The following DLG2 variants were observed in gnomAD, a reference collection of about 807,000 sequenced individuals.
DLG2 encodes the protein disks large homolog 2.
DLG2 carries 45 observed loss-of-function variants against 132.5 expected under a neutral mutation model. The ratio of observed to expected loss-of-function variants is 0.34; its 90% CI spans 0.27 to 0.44. The LOEUF (loss-of-function observed/expected upper bound fraction) is 0.44. Ranked by LOEUF, DLG2 falls within the 20% of genes least tolerant of loss-of-function variation. The probability of loss-of-function intolerance (pLI) is 1.00; values close to 1 mark genes in which losing one functional copy is unlikely to be tolerated. For synonymous variants in DLG2, 424 were observed against 419.6 expected, an observed-to-expected ratio of 1.01 and a Z score of -0.13; for missense variants, 1,045 against 1,196.9, an observed-to-expected ratio of 0.87 and a Z score of 1.87.
At chr11:84,632,387 C>G (rs999740715) in intron 6 of DLG2, among the ~76,000 whole-genome samples, 2 of 151,862 alleles carry the variant, frequency 1.3e-5, no homozygotes, top group Non-Finnish European at 2.9e-5. Context: ...AAAAAAATTA[C>G]TGGAAATAAG....
chr11:83,681,565 G>T (rs2078821881), intron 18 of DLG2, among the ~76,000 whole-genome samples: 1 of 152,038 alleles, frequency 6.6e-6, no homozygotes, highest in South Asian at 2.1e-4. Flanking sequence ...CAACAGGCAC[G>T]CCAAATGCAA....
At chr11:85,466,006 C>A (rs372522135) in intron 3 of DLG2, among the ~76,000 whole-genome samples, 2 of 151,998 alleles carry the variant, frequency 1.3e-5, no homozygotes, top group Non-Finnish European at 1.5e-5. Flanking sequence ...TTCTAACTGG[C>A]GTGAGATGGT....
intron 6 of DLG2, among the ~76,000 whole-genome samples, chr11:84,879,578 T>A (rs565269678): frequency 6.6e-6 from 1 of 152,194 alleles, no homozygotes; most frequent in Non-Finnish European, 1.5e-5. Context: ...TTCAGTCTGA[T>A]TAGGAATGTA....
At chr11:84,039,284 A>G (rs1430712291) in intron 11 of DLG2, among the ~76,000 whole-genome samples, 1 of 150,490 alleles carries the variant, frequency 6.6e-6, no homozygotes, top group Non-Finnish European at 1.5e-5. Context: ...TTAGTTACAT[A>G]TGTATACATG....
intron 18 of DLG2, among the ~76,000 whole-genome samples, chr11:83,640,064 T>TG (rs2066029037): frequency 6.6e-6 from 1 of 152,212 alleles, no homozygotes; most frequent in African/African-American, 2.4e-5. Flanking sequence ...TGGCACCCTC[T>TG]TTCTATTTGT....
chr11:85,550,934 G>A (rs1306651333), intron 3 of DLG2, among the ~76,000 whole-genome samples: 1 of 152,136 alleles, frequency 6.6e-6, no homozygotes, highest in Non-Finnish European at 1.5e-5. Flanking sequence ...TAGATCCTAA[G>A]AAAGACTTTT....
At chr11:84,755,239 C>T (rs552479813) in intron 6 of DLG2, among the ~76,000 whole-genome samples, 15 of 152,296 alleles carry the variant, frequency 9.8e-5, no homozygotes, top group East Asian at 3.9e-4. Flanking sequence ...AACCCAAGTA[C>T]GTTCTGCACA....
intron 8 of DLG2, among the ~76,000 whole-genome samples, chr11:84,176,939 A>C (rs376967036): frequency 9.4e-5 from 13 of 137,640 alleles, no homozygotes; most frequent in South Asian, 2.3e-4. Flanking sequence ...CTTTTCTTTT[A>C]TTTTCTTTCT....
chr11:83,589,142 C>T (rs10898142), intron 19 of DLG2, among the ~76,000 whole-genome samples: 2 of 149,260 alleles, frequency 1.3e-5, no homozygotes, highest in African/African-American at 5.0e-5. Context: ...ACAGAGAATG[C>T]CACAAAGATA....
At position 84,760,094 on chromosome 11, in the gene DLG2, T is replaced by C. The variant is rs991778100; in HGVS notation, c.358-225363A>G. Among the ~76,000 whole-genome samples the C allele has an allele frequency of 1.4e-4, 22 of 152,230 alleles. 1 individual carries two copies. Among genetic ancestry groups the C allele is most frequent in the Admixed American group, 1.1e-3 (17 of 15,286 alleles). ...TCCTAATGCAGCATTTTATAAAACA[T>C]GCTTTAGTTTAGAAACCTGGGCATC... On this transcript the variant is annotated intron_variant, in intron 6 of 27. Coordinates refer to ENST00000376104, the MANE Select transcript of DLG2 (RefSeq NM_001142699.3).
intron 3 of DLG2, among the ~76,000 whole-genome samples, chr11:85,375,462 T>C (rs554592928): frequency 6.6e-6 from 1 of 152,156 alleles, no homozygotes; most frequent in Non-Finnish European, 1.5e-5. Context: ...GAGGATCACT[T>C]GAGGCCAGGA....
At chr11:84,290,001 A>G (rs2097966145) in intron 7 of DLG2, among the ~76,000 whole-genome samples, 1 of 152,158 alleles carries the variant, frequency 6.6e-6, no homozygotes, top group African/African-American at 2.4e-5. Flanking sequence ...ATCACTCCCA[A>G]TAACTAAGTT....
chr11:83,497,068 G>A (rs1381830756), intron 21 of DLG2, among the ~76,000 whole-genome samples: 1 of 152,056 alleles, frequency 6.6e-6, no homozygotes, highest in Non-Finnish European at 1.5e-5. Flanking sequence ...TTTCATTTTG[G>A]TATCTCTGGG....
At chr11:83,792,683 C>T (rs2041889428) in intron 17 of DLG2, among the ~76,000 whole-genome samples, 1 of 152,006 alleles carries the variant, frequency 6.6e-6, no homozygotes, top group Admixed American at 6.6e-5. Context: ...TAATCTCATT[C>T]TTTTTAATAG....
chr11:84,556,008 C>T (rs2099411327), intron 6 of DLG2, among the ~76,000 whole-genome samples: 1 of 152,184 alleles, frequency 6.6e-6, no homozygotes, highest in Admixed American at 6.5e-5. Flanking sequence ...CAGTAGGAAG[C>T]ATCTAGGGGC....
chr11:85,397,926 A>G (rs1343404054), intron 3 of DLG2, among the ~76,000 whole-genome samples: 3 of 152,186 alleles, frequency 2.0e-5, no homozygotes, highest in African/African-American at 7.2e-5. Flanking sequence ...GACCAAGCGG[A>G]CCTAATAGAC....
At chr11:85,516,061 T>G (rs117768401) in intron 3 of DLG2, among the ~76,000 whole-genome samples, 35 of 152,110 alleles carry the variant, frequency 2.3e-4, no homozygotes, top group Non-Finnish European at 4.7e-4. Flanking sequence ...ATCAAATACA[T>G]TGACTCTCTC....
chr11:85,053,280 A>C (rs1314581578), intron 6 of DLG2, among the ~76,000 whole-genome samples: 1 of 152,128 alleles, frequency 6.6e-6, no homozygotes, highest in East Asian at 1.9e-4. Flanking sequence ...AAAAACACTA[A>C]AGAAAAAGAT....
At chr11:85,554,878 G>A (rs2076850503) in intron 3 of DLG2, among the ~76,000 whole-genome samples, 1 of 151,422 alleles carries the variant, frequency 6.6e-6, no homozygotes, top group Non-Finnish European at 1.5e-5. Context: ...TGTGAATCAT[G>A]GCTCAACCAG....
Sources: gnomAD v4.1 joint callset for allele counts (sites outside exome capture counted in the v4.1 genomes callset) on GRCh38, gnomAD v4.1.1 for gene constraint, MANE v1.5 for transcripts, NCBI Gene and HGNC (gene_info 2026-07-23, HGNC 2026-07-21) for gene names.